PLEC: variants seen among roughly 807,000 people sequenced by gnomAD.
PLEC encodes the protein hemidesmosomal protein 1.
A neutral mutation model predicts 392.8 loss-of-function variants in PLEC; 216 were observed. The ratio of observed to expected loss-of-function variants is 0.55; its 90% CI spans 0.49 to 0.62. PLEC has a LOEUF of 0.62. PLEC is among the 20% of genes least tolerant of loss of function. The probability of loss-of-function intolerance (pLI) is 0.00; values close to 1 mark genes in which losing one functional copy is unlikely to be tolerated. For missense variants in PLEC, 6,863 were observed against 6,563.4 expected, an observed-to-expected ratio of 1.05 and a Z score of -1.58; for synonymous variants, 3,621 against 2,980.6, an observed-to-expected ratio of 1.21 and a Z score of -7.00.
At chr8:143,929,007 A>C in intron 25 of PLEC, 96 bp downstream of exon 25, 1 of 1,152,084 alleles carries the variant, frequency 8.7e-7, no homozygotes, top group Non-Finnish European at 1.3e-6. Flanking sequence ...ACAGCCCCCA[A>C]CTCGTTCCCT....
rs375360480 is a variant in PLEC at position 143,919,042 on chromosome 8, C to T, written c.10779G>A (p.Ser3593=). 35 of 1,611,248 alleles carry T rather than the reference C, an allele frequency of 2.2e-5. No homozygotes were observed. Among genetic ancestry groups the T allele is most frequent in the African/African-American group, 1.6e-4 (12 of 75,058 alleles). ...STMSLWEVMQ[S]DLIPEEQRAQ... ...CCCGCTGCTCCTCGGGGATCAGGTCCGACTGCATCACCTCCCACAGGGACA... is the reference window on the plus strand; with the variant it reads ...CCCGCTGCTCCTCGGGGATCAGGTCTGACTGCATCACCTCCCACAGGGACA... Residue 3593 remains serine (S), a synonymous_variant, in exon 32 of 32, where the codon TCG becomes TCA. Transcript: ENST00000345136.
rs78619470 is a variant in PLEC, at chr8:143,936,312, G to A, written c.436-298C>T. On this transcript the variant is annotated intron_variant, in intron 5 of 31. Transcript: ENST00000345136. ...AGCAGGTGCCCACTCCCCTAGCTGG[G>A]GAGGGCTAGGCTGCACCCTGCACCT... is the stretch of plus-strand genomic sequence containing the variant. Among the ~76,000 whole-genome samples, 2,864 of 152,318 alleles carry A rather than the reference G, an allele frequency of 0.019. 57 individuals carry two copies. Among genetic ancestry groups the A allele is most frequent in the African/African-American group, 0.053 (2,197 of 41,568 alleles).
At chr8:143,938,037 G>A (rs1829512012) in intron 3 of PLEC, 114 bp downstream of exon 3, 1 of 740,490 alleles carries the variant, frequency 1.4e-6, no homozygotes, top group South Asian at 1.6e-5. Context: ...AGGCAGGAGG[G>A]GTTGAGCTGG....
chr8:143,974,226 G>A (rs1235931086), upstream of PLEC, among the ~76,000 whole-genome samples: 1 of 152,228 alleles, frequency 6.6e-6, no homozygotes, highest in Admixed American at 6.5e-5. The surrounding 1 kb of genome is among the most constrained non-coding windows in gnomAD (Gnocchi z 5.9). Context: ...GTGCTGGCTG[G>A]GGGCAAAGCC....
At chr8:143,934,486 CAGGGGGT>C (rs782452830) in intron 10 of PLEC, 41 bp from the exon 11 acceptor site, 1 of 1,608,232 alleles carries the variant, frequency 6.2e-7, no homozygotes, top group East Asian at 2.2e-5. Context: ...AGGCAGGGGG[CAGGGGGT>C]GGGGCGCTGG....
Position 143,932,482 on chromosome 8 carries a change from A to T in PLEC, c.1895T>A (p.Leu632Gln). The T allele has an allele frequency of 1.2e-6, 2 of 1,612,638 alleles. No individual in the cohort carries two copies. Among genetic ancestry groups the T allele is most frequent in the Non-Finnish European group, 1.7e-6 (2 of 1,179,956 alleles). Reference protein sequence around the residue: ...VAAATKELMWLNEKEEEEVGF... With the variant: ...VAAATKELMWQNEKEEEEVGF... ...CACCTCCTCCTCCTCCTTCTCATTC[A>T]GCCACATTAGCTCCTTAGTGGCGGC... The change falls in exon 16 of 32, where the codon CTG (leucine) becomes CAG (glutamine). Residue 632 changes from leucine to glutamine, a missense_variant. Coordinates refer to ENST00000345136, the MANE Select transcript of PLEC (RefSeq NM_201384.3).
chr8:143,933,934 C>T, intron 12 of PLEC, 64 bp downstream of exon 12: 1 of 1,430,248 alleles, frequency 7.0e-7, no homozygotes, highest in Non-Finnish European at 9.6e-7. Flanking sequence ...GGCTTTAGGG[C>T]TGCAGGGCGG....
Position 143,924,341 on chromosome 8 carries a change from T to TTCTCCGCCTCCTTCTCCTTGAGCGCGA in PLEC, c.5561_5587dup (p.Ile1854_Glu1862dup), listed in dbSNP as rs1824106484. Reference sequence around the variant, plus strand: ...CTCCGCCAGCCGCCGCAGGCGCTCGTTCTCCGCCTCCTTCTCCTTGAGCGC... The same window carrying TTCTCCGCCTCCTTCTCCTTGAGCGCGA: ...CTCCGCCAGCCGCCGCAGGCGCTCGTTCTCCGCCTCCTTCTCCTTGAGCGCGATCTCCGCCTCCTTCTCCTTGAGCGC... On this transcript the variant is annotated inframe_insertion, in exon 31 of 32. Transcript: ENST00000345136. 1 of 1,596,868 alleles carries TTCTCCGCCTCCTTCTCCTTGAGCGCGA rather than the reference T, an allele frequency of 6.3e-7. No individual in the cohort carries two copies. The highest frequency in any genetic ancestry group is 8.5e-7 in the Non-Finnish European group (1 of 1,178,774).
chr8:143,976,408 G>GCGCCC (rs1233396814), upstream of PLEC, among the ~76,000 whole-genome samples: 20 of 152,066 alleles, frequency 1.3e-4, no homozygotes, highest in African/African-American at 4.8e-4. Flanking sequence ...GGGGGCCGCC[G>GCGCCC]CGCCCCGCCC....
chr8:143,958,984 G>GA lies in PLEC; in HGVS notation c.70+14418dup, dbSNP rs1832737893. Among the ~76,000 whole-genome samples the GA allele has an allele frequency of 6.6e-6, 1 of 152,248 alleles. No homozygotes were observed. Among genetic ancestry groups the GA allele is most frequent in the Non-Finnish European group, 1.5e-5 (1 of 68,042 alleles). Reference sequence around the variant, plus strand: ...AGGAGAAAACCGGTATATTGATCTAGAAAATCTCGACAGCTCATTTGATAA... The same window carrying GA: ...AGGAGAAAACCGGTATATTGATCTAGAAAAATCTCGACAGCTCATTTGATAA... On this transcript the variant is annotated intron_variant, in intron 1 of 31. Coordinates refer to the PLEC transcript ENST00000356346. The surrounding 1 kb of genome is among the most constrained non-coding windows in gnomAD (Gnocchi z 4.9).
chr8:143,924,378 C>T lies in PLEC; in HGVS notation c.5551G>A (p.Glu1851Lys), dbSNP rs782074123. The T allele has an allele frequency of 1.6e-5, 25 of 1,596,132 alleles. No individual in the cohort carries two copies. In the Admixed American group the frequency reaches 3.7e-4, roughly 23 times the overall value. ...TTCTCCTTGAGCGCGATCTCCGCCT[C>T]CGTCTTGAGCCGCGTGGCCTCGCCG... Reference protein sequence around the residue: ...AIGEATRLKTEAEIALKEKEA... With the variant: ...AIGEATRLKTKAEIALKEKEA... The change falls in exon 31 of 32, where the codon GAG (glutamate) becomes AAG (lysine). Residue 1851 changes from glutamate (E) to lysine (K), a missense_variant. By Grantham distance (56) the Glu-to-Lys change is moderately conservative (BLOSUM62 1). Transcript: ENST00000345136.
At chr8:143,944,155 GCTA>G (rs1831060240), upstream of PLEC, among the ~76,000 whole-genome samples, 1 of 152,064 alleles carries the variant, frequency 6.6e-6, no homozygotes, top group South Asian at 2.1e-4. Context: ...CCTGCGCAGG[GCTA>G]CTGACGCTCA....
At chr8:143,948,129 T>A (rs1445478952) in intron 1 of PLEC, among the ~76,000 whole-genome samples, 1 of 152,226 alleles carries the variant, frequency 6.6e-6, no homozygotes, top group African/African-American at 2.4e-5. Context: ...CAGGCCCCCA[T>A]GGGCCCCACC....
At chr8:143,953,102 C>T (rs1832365598), upstream of PLEC, among the ~76,000 whole-genome samples, 1 of 151,100 alleles carries the variant, frequency 6.6e-6, no homozygotes. Context: ...CGGAAGCTAC[C>T]GCCCCCTGCC....
At position 143,918,456 on chromosome 8, in the gene PLEC, C is replaced by T. The variant is rs782039368; in HGVS notation, c.11365G>A (p.Glu3789Lys). ...AGGGCCTCCTCAGTAGGGATCAGCT[C>T]CTTCTTCATGGCCTGGAAGAGCGAG... ...TISLFQAMKK[E>K]LIPTEEALRL... The change falls in exon 32 of 32, where the codon GAG becomes AAG. Residue 3789 changes from glutamate (E) to lysine (K), a missense_variant. Physicochemically the swap from Glu to Lys is moderately conservative, Grantham distance 56. Transcript: ENST00000345136. 6.6e-5 allele frequency: 105 copies of T among 1,589,766 alleles called. No individual in the cohort carries two copies. The highest frequency in any genetic ancestry group is 8.8e-5 in the Non-Finnish European group (103 of 1,169,974).
Position 143,925,651 on chromosome 8 carries a change from C to T in PLEC, c.4278G>A (p.Arg1426=). 6.3e-7 allele frequency: 1 copy of T among 1,585,766 alleles called. No homozygotes were observed. The highest frequency in any genetic ancestry group is 8.5e-7 in the Non-Finnish European group (1 of 1,173,308). Residue 1426 remains arginine, a synonymous_variant, in exon 31 of 32, where the codon CGG becomes CGA. Coordinates refer to ENST00000345136, the MANE Select transcript of PLEC (RefSeq NM_201384.3). ...CCTGGATCTCCGCCTCCGAGCTCTG[C>T]CGCAGCTGCTGCAGCTCCTCCTGAA... The part of the protein sequence containing the change: ...RSIQEELQQL[R]QSSEAEIQAK...
Position 143,939,596 on chromosome 8 carries a change from C to T in PLEC, c.-135G>A. On this transcript the variant is annotated 5_prime_UTR_variant, in exon 1 of 32. Transcript: ENST00000345136. ...CTCGGCACAGGCTCAGCTCAGAGCC[C>T]CAGTCGGTGCGGCCACTCCCTGCCT... is the stretch of plus-strand genomic sequence containing the variant. 1.3e-6 allele frequency: 2 copies of T among 1,493,148 alleles called. No individual in the cohort carries two copies. Among genetic ancestry groups the T allele is most frequent in the South Asian group, 2.5e-5 (2 of 78,840 alleles). 92.5% of individuals were successfully genotyped at this position (1,493,148 alleles called of 1,614,324 possible).
In PLEC at chr8:143,935,808, T is replaced by G. The variant is rs781850917; in HGVS notation, c.602+40A>C. The G allele has an allele frequency of 3.7e-6, 6 of 1,600,776 alleles. No homozygotes were observed. In the Admixed American group the frequency reaches 6.7e-5, roughly 18 times the overall value. ...TTGCCTAGTGGAGGCGCTGTGGGGG[T>G]GCCCCCAGCCCACAGCCCCCTGCCC... On this transcript the variant is annotated intron_variant, in intron 6 of 31. Coordinates refer to ENST00000345136, the MANE Select transcript of PLEC (RefSeq NM_201384.3).
At chr8:143,942,353 T>C (rs782324644), upstream of PLEC, 12 of 1,597,350 alleles carry the variant, frequency 7.5e-6, no homozygotes, top group Non-Finnish European at 9.4e-6. Context: ...AGAGCGATGG[T>C]GGCCCCTTCT....
Sources: allele counts gnomAD v4.1 joint callset (sites outside exome capture counted in the v4.1 genomes callset), GRCh38; gene constraint gnomAD v4.1.1; non-coding constraint Gnocchi (gnomAD v3.1); transcripts MANE v1.5; gene names NCBI Gene and HGNC (gene_info 2026-07-23, HGNC 2026-07-21).